The following CACNA2D3 variants were observed in gnomAD, a reference collection of about 807,000 sequenced individuals.
The protein encoded by CACNA2D3 is calcium voltage-gated channel auxiliary subunit alpha2delta 3, also known as voltage-dependent calcium channel subunit alpha-2/delta-3.
A neutral mutation model predicts 160.6 loss-of-function variants in CACNA2D3; 60 were observed. That is an observed-to-expected ratio of 0.37 (90% CI 0.30 to 0.46). CACNA2D3 has a LOEUF of 0.46. Ranked by LOEUF, CACNA2D3 falls within the 20% of genes least tolerant of loss-of-function variation. CACNA2D3 has a pLI of 1.00. For synonymous variants in CACNA2D3, 558 were observed against 492.9 expected (o/e 1.13, Z -1.75); for missense variants, 1,205 against 1,365.0 (o/e 0.88, Z 1.85).
rs1265931748 is a variant in CACNA2D3 at position 55,071,020 on chromosome 3, C to CAGTT, written c.2988-2421_2988-2418dup. On this transcript the variant is annotated intron_variant, in intron 35 of 37. Coordinates refer to ENST00000474759, the MANE Select transcript of CACNA2D3 (RefSeq NM_018398.3). The stretch of plus-strand genomic sequence containing the variant: ...CAGAAATCCCTTTTGTTATTTCTTT[C>CAGTT]AGTTAGTATACTGTGATCATTATGT... 3.3e-5 allele frequency among the ~76,000 whole-genome samples: 5 copies of CAGTT among 152,146 alleles called. No individual in the cohort carries two copies. The East Asian group carries it at 7.7e-4, about 23-fold the overall frequency.
chr3:54,292,055 C>T (rs1380771565), intron 2 of CACNA2D3, among the ~76,000 whole-genome samples: 1 of 152,048 alleles, frequency 6.6e-6, no homozygotes, highest in Non-Finnish European at 1.5e-5. Flanking sequence ...GTGCCAAGAC[C>T]TTTCGGTGGT....
At chr3:54,171,136 C>CTTTTTTTTCTTTTTTTTTT (rs1700558275) in intron 2 of CACNA2D3, among the ~76,000 whole-genome samples, 1 of 62,542 alleles carries the variant, frequency 1.6e-5, no homozygotes, top group Non-Finnish European at 2.9e-5. Flanking sequence ...AAGATGATGA[C>CTTTTTTTTCTTTTTTTTTT]TTTTTTTTTT....
At chr3:54,826,749 C>T (rs1703758034) in intron 14 of CACNA2D3, among the ~76,000 whole-genome samples, 1 of 152,086 alleles carries the variant, frequency 6.6e-6, no homozygotes, top group Admixed American at 6.5e-5. Context: ...ACTCCCCACC[C>T]CCACCAACTG....
chr3:54,284,635 G>A (rs951367219), intron 2 of CACNA2D3, among the ~76,000 whole-genome samples: 2 of 152,196 alleles, frequency 1.3e-5, no homozygotes, highest in Non-Finnish European at 2.9e-5. Context: ...GATGAACAGT[G>A]TGAGAATAAA....
chr3:55,057,172 G>A (rs111413357), intron 35 of CACNA2D3, among the ~76,000 whole-genome samples: 94 of 152,154 alleles, frequency 6.2e-4, no homozygotes, highest in African/African-American at 2.2e-3. Flanking sequence ...CTCTTCCTTC[G>A]TCTTCTGCCA....
intron 2 of CACNA2D3, among the ~76,000 whole-genome samples, chr3:54,272,022 G>A (rs1575358122): frequency 1.3e-5 from 2 of 151,260 alleles, no homozygotes; most frequent in Non-Finnish European, 2.9e-5. Flanking sequence ...TCAGTATAAA[G>A]CTTCTAGACA....
intron 9 of CACNA2D3, among the ~76,000 whole-genome samples, chr3:54,621,095 C>T (rs981239723): frequency 1.3e-5 from 2 of 152,128 alleles, no homozygotes; most frequent in East Asian, 1.9e-4. Context: ...TGGCTATTAG[C>T]CTCCCCTCCA....
chr3:54,697,249 A>G lies in CACNA2D3; in HGVS notation c.1167+55008A>G, dbSNP rs193063811. On this transcript the variant is annotated intron_variant, in intron 11 of 37. Coordinates refer to ENST00000474759, the MANE Select transcript of CACNA2D3 (RefSeq NM_018398.3). The stretch of plus-strand genomic sequence containing the variant: ...GCTGCGATTGCACCACTGTACTCCA[A>G]CCTGGATGACAGAGACCCCATCTCA... 7.6e-3 allele frequency among the ~76,000 whole-genome samples: 1,150 copies of G among 152,226 alleles called. 11 individuals are homozygous for G. Among genetic ancestry groups the G allele is most frequent in the Non-Finnish European group, 0.014 (946 of 68,010 alleles).
intron 10 of CACNA2D3, among the ~76,000 whole-genome samples, chr3:54,631,148 G>A (rs1424227902): frequency 1.3e-5 from 2 of 151,842 alleles, no homozygotes; most frequent in Admixed American, 6.6e-5. Context: ...AGGATGCAGT[G>A]AGCTGAGATT....
intron 8 of CACNA2D3, among the ~76,000 whole-genome samples, chr3:54,578,185 G>A (rs1001351036): frequency 6.6e-6 from 1 of 152,198 alleles, no homozygotes; most frequent in African/African-American, 2.4e-5. Context: ...GGAAGTAAAA[G>A]CAAATTATAG....
chr3:54,886,654 G>A (rs1465335775), intron 23 of CACNA2D3, among the ~76,000 whole-genome samples: 2 of 151,788 alleles, frequency 1.3e-5, no homozygotes, highest in Non-Finnish European at 2.9e-5. Flanking sequence ...ACATATGTAG[G>A]TATCTATAAA....
intron 5 of CACNA2D3, among the ~76,000 whole-genome samples, chr3:54,537,260 C>T (rs1215632544): frequency 6.6e-6 from 1 of 152,050 alleles, no homozygotes; most frequent in Admixed American, 6.5e-5. Context: ...CACACTGACT[C>T]TGAGGGCAGA....
At chr3:54,350,820 T>A (rs529486441) in intron 3 of CACNA2D3, among the ~76,000 whole-genome samples, 25 of 152,262 alleles carry the variant, frequency 1.6e-4, no homozygotes, top group Non-Finnish European at 2.4e-4. Context: ...CTGGATGGTA[T>A]TATAACTTAT....
At position 54,252,100 on chromosome 3, in the gene CACNA2D3, G is replaced by GTTTTTTTTTTTTTTTTTTT. The variant is rs548233026; in HGVS notation, c.205-68328_205-68327insTTTTTTTTTTTTTTTTTTT. Among the ~76,000 whole-genome samples the GTTTTTTTTTTTTTTTTTTT allele has an allele frequency of 1.9e-4, 23 of 120,964 alleles. 1 individual carries two copies. The highest frequency in any genetic ancestry group is 3.8e-4 in the African/African-American group (11 of 29,204). The allele number at this position is 120,964 out of a possible 152,430, so 79.4% of individuals were successfully genotyped here. ...TCCAATTTCTCTTTTTGCAGAGCTA[G>GTTTTTTTTTTTTTTTTTTT]TTTTTTTTTTTTTTGTACGATACTC... On this transcript the variant is annotated intron_variant, in intron 2 of 37. Coordinates refer to ENST00000474759, the MANE Select transcript of CACNA2D3 (RefSeq NM_018398.3).
chr3:54,530,608 A>G (rs1324268915), intron 5 of CACNA2D3, among the ~76,000 whole-genome samples: 1 of 152,170 alleles, frequency 6.6e-6, no homozygotes, highest in East Asian at 1.9e-4. Context: ...GACTCACTAT[A>G]CACCAGGCAC....
At chr3:54,204,675 A>T (rs1484972881) in intron 2 of CACNA2D3, among the ~76,000 whole-genome samples, 1 of 152,082 alleles carries the variant, frequency 6.6e-6, no homozygotes, top group Non-Finnish European at 1.5e-5. Context: ...ACATGCCTGT[A>T]ATCCCAGCTA....
chr3:54,307,928 G>A (rs1378814604), intron 2 of CACNA2D3, among the ~76,000 whole-genome samples: 2 of 152,218 alleles, frequency 1.3e-5, no homozygotes, highest in Non-Finnish European at 2.9e-5. Flanking sequence ...CTGGGATTAA[G>A]GAAGTCAGAC....
intron 10 of CACNA2D3, among the ~76,000 whole-genome samples, chr3:54,635,494 G>A (rs1173740699): frequency 6.6e-6 from 1 of 151,998 alleles, no homozygotes; most frequent in African/African-American, 2.4e-5. Context: ...TAGTAGGGAT[G>A]ACAAGTTTTT....
At chr3:54,141,088 CG>C (rs1699922737) in intron 2 of CACNA2D3, among the ~76,000 whole-genome samples, 1 of 120,480 alleles carries the variant, frequency 8.3e-6, no homozygotes, top group South Asian at 2.9e-4. Context: ...TGTGTGTGTG[CG>C]CGCGCGCGCG....
Sources: gnomAD v4.1 joint callset for allele counts (sites outside exome capture counted in the v4.1 genomes callset) on GRCh38, gnomAD v4.1.1 for gene constraint, MANE v1.5 for transcripts, NCBI Gene and HGNC (gene_info 2026-07-23, HGNC 2026-07-21) for gene names.